The following SLC44A3 variants were observed in gnomAD, a reference collection of about 807,000 sequenced individuals.
SLC44A3 encodes solute carrier family 44 member 3, also known as choline transporter-like protein 3.
A neutral mutation model predicts 75.4 loss-of-function variants in SLC44A3; 74 were observed. The ratio of observed to expected loss-of-function variants is 0.98; its 90% confidence interval spans 0.81 to 1.19. The LOEUF (loss-of-function observed/expected upper bound fraction) is 1.19, where lower values mean the gene tolerates loss of function less well. Among genes scored for constraint, SLC44A3 ranks in the 50% most tolerant of loss-of-function variants. The probability of loss-of-function intolerance (pLI) is 0.00; values close to 1 mark genes in which losing one functional copy is unlikely to be tolerated. For synonymous variants in SLC44A3, 310 were observed against 296.9 expected (o/e 1.04, Z -0.45); for missense variants, 700 against 778.6 (o/e 0.90, Z 1.20).
intron 12 of SLC44A3, among the ~76,000 whole-genome samples, chr1:94,881,967 C>T (rs1375463494): frequency 1.3e-5 from 2 of 151,996 alleles, no homozygotes; most frequent in Admixed American, 1.3e-4. Flanking sequence ...TTGCAGTGAG[C>T]TGAGATCGCA....
At chr1:94,826,100 G>C (rs1341353286) in intron 3 of SLC44A3, among the ~76,000 whole-genome samples, 1 of 152,220 alleles carries the variant, frequency 6.6e-6, no homozygotes, top group African/African-American at 2.4e-5. Flanking sequence ...GATGAACCCT[G>C]AGGATGTCAT....
At chr1:94,824,450 T>C (rs370328679) in intron 2 of SLC44A3, 43 bp from the exon 3 acceptor site, 17 of 1,551,466 alleles carry the variant, frequency 1.1e-5, no homozygotes, top group Non-Finnish European at 1.3e-5. Context: ...CACTGTGCGC[T>C]CAGCCCTTTG....
Position 94,891,199 on chromosome 1 carries a change from T to G in SLC44A3, c.1552T>G (p.Leu518Val), listed in dbSNP as rs766777553. ...ATCAGCAAAAGATGCATTCAAAATCTTGTCCAAGAACTCAAGTCACTTTAC... is the reference window on the plus strand; with the variant it reads ...ATCAGCAAAAGATGCATTCAAAATCGTGTCCAAGAACTCAAGTCACTTTAC... ...CTSAKDAFKILSKNSSHFTSI... is the reference protein window; with the variant it reads ...CTSAKDAFKIVSKNSSHFTSI... The change falls in exon 13 of 15, where the codon TTG becomes GTG. Residue 518 changes from leucine to valine, a missense_variant. Leu to Val is a conservative substitution (Grantham distance 32). Transcript: ENST00000271227. The G allele has an allele frequency of 1.2e-6, 2 of 1,613,690 alleles. No individual in the cohort carries two copies. The highest frequency in any genetic ancestry group is 3.3e-5 in the Admixed American group (2 of 59,986).
intron 12 of SLC44A3, among the ~76,000 whole-genome samples, chr1:94,874,699 G>T (rs199819219): frequency 1.3e-5 from 2 of 152,128 alleles, no homozygotes; most frequent in East Asian, 3.9e-4. Flanking sequence ...CTATGTACCG[G>T]ATACTGTGCT....
In SLC44A3 at chr1:94,842,063, A is replaced by G. The variant is rs1663724818; in HGVS notation, c.824A>G (p.Asp275Gly). Residue 275 changes from aspartate to glycine, a missense_variant, in exon 8 of 15, where the codon GAC becomes GGC. Asp to Gly is a moderately conservative substitution (Grantham distance 94). Coordinates refer to ENST00000271227, the MANE Select transcript of SLC44A3 (RefSeq NM_001114106.3). ...DYTNDLSIELDTERENMKCVL... is the reference protein window; with the variant it reads ...DYTNDLSIELGTERENMKCVL... The stretch of plus-strand genomic sequence containing the variant: ...ACCAACGACCTCAGCATAGAATTGG[A>G]CACAGAAAGGGAAAATATGAAGTGC... 1.9e-6 allele frequency: 3 copies of G among 1,613,504 alleles called. No homozygotes were observed. The highest frequency in any genetic ancestry group is 3.3e-5 in the Admixed American group (2 of 59,918).
At chr1:94,845,552 T>C in intron 9 of SLC44A3, 88 bp downstream of exon 9, 1 of 1,288,258 alleles carries the variant, frequency 7.8e-7, no homozygotes, top group Non-Finnish European at 1.0e-6. Context: ...TGTAGGCACC[T>C]AACCCCTCAT....
intron 12 of SLC44A3, among the ~76,000 whole-genome samples, chr1:94,874,496 G>A (rs1668072708): frequency 1.3e-5 from 2 of 152,360 alleles, no homozygotes; most frequent in African/African-American, 2.4e-5. Flanking sequence ...TGAAATTTCA[G>A]TGCCTTCTCA....
chr1:94,826,169 G>A (rs1057097314), intron 3 of SLC44A3, among the ~76,000 whole-genome samples: 1 of 152,156 alleles, frequency 6.6e-6, no homozygotes, highest in African/African-American at 2.4e-5. Context: ...ACTTACATGA[G>A]ATATGTAAAG....
intron 12 of SLC44A3, among the ~76,000 whole-genome samples, chr1:94,872,256 C>G (rs1024893392): frequency 5.9e-5 from 9 of 152,064 alleles, no homozygotes; most frequent in Admixed American, 5.9e-4. Context: ...CTTGTCCCAC[C>G]ACACCTGGCT....
At chr1:94,890,984 T>C (rs1476716471) in intron 12 of SLC44A3, 146 bp from the exon 13 acceptor site, 12 of 576,396 alleles carry the variant, frequency 2.1e-5, no homozygotes, top group Admixed American at 3.4e-5. Flanking sequence ...ATAATCAGAC[T>C]GGAAAGGACT....
chr1:94,837,757 TGC>T lies in SLC44A3; in HGVS notation c.557_558del (p.Cys186LeufsTer11), dbSNP rs1252994684. The part of the protein sequence containing the change: ...FNRCVPQTPE[C>X]YSLFASVLIN... Reference sequence around the variant, plus strand: ...CCGATGTGTCCCTCAAACACCTGAGTGCTACTCCCTATTTGCATCTGTTTTGA... The same window carrying T: ...CCGATGTGTCCCTCAAACACCTGAGTTACTCCCTATTTGCATCTGTTTTGA... On this transcript the variant is annotated frameshift_variant, in exon 6 of 15. Transcript: ENST00000271227. LOFTEE classifies it high-confidence loss of function. The T allele has an allele frequency of 6.2e-7, 1 of 1,610,194 alleles. No homozygotes were observed. The highest frequency in any genetic ancestry group is 8.5e-7 in the Non-Finnish European group (1 of 1,178,706).
At chr1:94,838,167 G>A (rs1157853173) in intron 6 of SLC44A3, among the ~76,000 whole-genome samples, 3 of 152,138 alleles carry the variant, frequency 2.0e-5, no homozygotes, top group African/African-American at 7.2e-5. Flanking sequence ...TTTGTGGATG[G>A]GACATGAAAA....
intron 10 of SLC44A3, among the ~76,000 whole-genome samples, chr1:94,861,973 A>G (rs1386985937): frequency 6.6e-6 from 1 of 152,228 alleles, no homozygotes; most frequent in Admixed American, 6.5e-5. Context: ...CAGCTGCTCT[A>G]TATCTACAGA....
chr1:94,859,703 G>A (rs1666345393), intron 10 of SLC44A3, among the ~76,000 whole-genome samples: 1 of 152,180 alleles, frequency 6.6e-6, no homozygotes, highest in Non-Finnish European at 1.5e-5. Flanking sequence ...AGGTACAGCT[G>A]AGGCTGGGGG....
At chr1:94,878,127 G>C (rs546238019) in intron 12 of SLC44A3, among the ~76,000 whole-genome samples, 143 of 152,030 alleles carry the variant, frequency 9.4e-4, no homozygotes, top group Non-Finnish European at 1.7e-3. Context: ...CCAGCTACTC[G>C]GGAGGCTGAG....
chr1:94,821,166 G>T, intron 2 of SLC44A3, 110 bp downstream of exon 2: 1 of 813,242 alleles, frequency 1.2e-6, no homozygotes, highest in South Asian at 2.0e-5. Context: ...GACTTCTGCC[G>T]TTAACCCACA....
chr1:94,826,637 CAA>C (rs34931563), intron 3 of SLC44A3, among the ~76,000 whole-genome samples: 278 of 127,932 alleles, frequency 2.2e-3, no homozygotes, highest in Admixed American at 2.3e-3. Flanking sequence ...GACTCTGTCT[CAA>C]AAAAAAAAAA....
chr1:94,824,886 T>A (rs1661092622), intron 3 of SLC44A3, among the ~76,000 whole-genome samples: 1 of 152,202 alleles, frequency 6.6e-6, no homozygotes, highest in African/African-American at 2.4e-5. Flanking sequence ...AAGCCTAGTT[T>A]TCATCTCTCT....
rs548333096 is a variant in SLC44A3, at chr1:94,874,278, C to T, written c.1482+6861C>T. Reference sequence around the variant, plus strand: ...GGTGCATGGTTCAGAAGCTGCCAGGCATATGGCTGTGGCTTAGTGTGGCTT... The same window carrying T: ...GGTGCATGGTTCAGAAGCTGCCAGGTATATGGCTGTGGCTTAGTGTGGCTT... On this transcript the variant is annotated intron_variant, in intron 12 of 14. Coordinates refer to ENST00000271227, the MANE Select transcript of SLC44A3 (RefSeq NM_001114106.3). 4.6e-5 allele frequency among the ~76,000 whole-genome samples: 7 copies of T among 152,360 alleles called. No homozygotes were observed. The East Asian group carries it at 9.6e-4, about 21-fold the overall frequency.
Sources: allele counts gnomAD v4.1 joint callset (sites outside exome capture counted in the v4.1 genomes callset), GRCh38; gene constraint gnomAD v4.1.1; transcripts MANE v1.5; gene names NCBI Gene and HGNC (gene_info 2026-07-23, HGNC 2026-07-21).